EPS15L1: variants seen among roughly 807,000 people sequenced by gnomAD.
EPS15L1 encodes epidermal growth factor receptor pathway substrate 15 like 1, also known as epidermal growth factor receptor substrate 15-like 1.
In EPS15L1, 43 loss-of-function variants were observed where a neutral mutation model predicts 117.1. The observed-to-expected ratio is 0.37, with a 90% CI of 0.29 to 0.47. The LOEUF (loss-of-function observed/expected upper bound fraction) is 0.47. Ranked by LOEUF, EPS15L1 falls within the 20% of genes least tolerant of loss-of-function variation. The pLI, the probability that EPS15L1 is intolerant of heterozygous loss-of-function variation, is 0.99. For missense variants in EPS15L1, 981 were observed against 1,164.0 expected, an observed-to-expected ratio of 0.84 and a Z score of 2.29; for synonymous variants, 459 against 470.5, an observed-to-expected ratio of 0.98 and a Z score of 0.32.
intron 1 of EPS15L1, among the ~76,000 whole-genome samples, chr19:16,470,855 TGC>T (rs1320394393): frequency 1.3e-5 from 2 of 152,166 alleles, no homozygotes; most frequent in Admixed American, 1.3e-4. Flanking sequence ...GCCTCTCATA[TGC>T]TAGGCACTGT....
At chr19:16,434,571 G>C (rs903897163) in intron 6 of EPS15L1, 81 bp from the exon 7 acceptor site, 69 of 1,482,470 alleles carry the variant, frequency 4.7e-5, no homozygotes, top group Non-Finnish European at 6.0e-5. Flanking sequence ...CGAAAGCCAA[G>C]TGAAAATGGC....
intron 1 of EPS15L1, among the ~76,000 whole-genome samples, chr19:16,451,962 C>A (rs2093148249): frequency 6.6e-6 from 1 of 151,612 alleles, no homozygotes; most frequent in African/African-American, 2.4e-5. Context: ...CATGGTGAAA[C>A]CCTGTCTCTA....
At chr19:16,361,199 G>A (rs1283699732) in intron 23 of EPS15L1, among the ~76,000 whole-genome samples, 1 of 151,982 alleles carries the variant, frequency 6.6e-6, no homozygotes, top group Non-Finnish European at 1.5e-5. Flanking sequence ...CTTTCAGAGT[G>A]GCTGTTCTAG....
chr19:16,397,420 T>C lies in EPS15L1; in HGVS notation c.1792-1953A>G, dbSNP rs139574804. Among the ~76,000 whole-genome samples the C allele has an allele frequency of 1.2e-4, 18 of 151,760 alleles. 1 individual carries two copies. The highest frequency in any genetic ancestry group is 4.3e-4 in the African/African-American group (18 of 41,380). The stretch of plus-strand genomic sequence containing the variant: ...TCTATTTTACCTGAAAGTTAAACAA[T>C]TTTTTTTTAATCAATGAGTCAGAAA... On this transcript the variant is annotated intron_variant, in intron 16 of 23. Transcript: ENST00000455140.
At chr19:16,458,711 CAT>C (rs1729217602) in intron 1 of EPS15L1, among the ~76,000 whole-genome samples, 2 of 152,142 alleles carry the variant, frequency 1.3e-5, no homozygotes, top group Non-Finnish European at 2.9e-5. Flanking sequence ...GCCACACACA[CAT>C]ACACACAATC....
chr19:16,407,588 A>G (rs117385850), intron 13 of EPS15L1, among the ~76,000 whole-genome samples: 23 of 152,278 alleles, frequency 1.5e-4, no homozygotes, highest in Admixed American at 3.9e-4. Flanking sequence ...AGTCTCCCAA[A>G]GTGCTGGGAT....
intron 16 of EPS15L1, among the ~76,000 whole-genome samples, chr19:16,396,546 G>A (rs981467987): frequency 2.0e-5 from 3 of 152,146 alleles, no homozygotes; most frequent in African/African-American, 4.8e-5. Flanking sequence ...TTATAGGCAT[G>A]AGCTACCGCA....
At chr19:16,442,985 C>T (rs764399173) in intron 1 of EPS15L1, among the ~76,000 whole-genome samples, 3 of 152,198 alleles carry the variant, frequency 2.0e-5, no homozygotes, top group African/African-American at 2.4e-5. Context: ...CTCTGCCAGA[C>T]GTCTCCCAGG....
At chr19:16,393,175 G>A (rs2092499005) in intron 18 of EPS15L1, among the ~76,000 whole-genome samples, 1 of 151,674 alleles carries the variant, frequency 6.6e-6, no homozygotes, top group Admixed American at 6.6e-5. Flanking sequence ...GTGGGTGCCA[G>A]GGGTTGCGGG....
At position 16,385,271 on chromosome 19, in the gene EPS15L1, G is replaced by T. The variant is rs926009598; in HGVS notation, c.2165-60C>A. 4.9e-6 allele frequency: 7 copies of T among 1,424,914 alleles called. No individual in the cohort carries two copies. The Admixed American group carries it at 8.4e-5, about 17-fold the overall frequency. 88.3% of individuals were successfully genotyped at this position (1,424,914 alleles called of 1,614,324 possible). ...TCTTTAAGAGAACATGCCTTCTGGG[G>T]TGGAGGGGAAATGCTAGATGGCCCC... On this transcript the variant is annotated intron_variant, in intron 20 of 23. Transcript: ENST00000455140.
chr19:16,465,986 AT>A (rs1210019369), intron 1 of EPS15L1, among the ~76,000 whole-genome samples: 5,118 of 126,154 alleles, frequency 0.041, 74 homozygotes, highest in African/African-American at 0.068. Context: ...CACTTTATCT[AT>A]TTTTTTTTTT....
chr19:16,430,289 T>C (rs1431864364), intron 7 of EPS15L1, among the ~76,000 whole-genome samples: 1 of 152,038 alleles, frequency 6.6e-6, no homozygotes, highest in African/African-American at 2.4e-5. Context: ...GCTGTGGGGG[T>C]GTCTAATGGA....
intron 1 of EPS15L1, among the ~76,000 whole-genome samples, chr19:16,452,790 AT>A (rs1394384037): frequency 1.3e-5 from 2 of 151,526 alleles, no homozygotes; most frequent in East Asian, 3.9e-4. Context: ...CATCTATTTT[AT>A]TTTTTTATTT....
rs138527137 is a variant in EPS15L1, at chr19:16,456,185, A to G, written c.34-13966T>C. Among the ~76,000 whole-genome samples, 779 of 152,132 alleles carry G rather than the reference A, an allele frequency of 5.1e-3. 3 individuals are homozygous for G. Among genetic ancestry groups the G allele is most frequent in the African/African-American group, 0.017 (724 of 41,506 alleles). Reference sequence around the variant, plus strand: ...ATTGCACTCCAGCCTGGGCAACAAGAGGAAAACCCTGTCTCAAACAAACAA... The same window carrying G: ...ATTGCACTCCAGCCTGGGCAACAAGGGGAAAACCCTGTCTCAAACAAACAA... On this transcript the variant is annotated intron_variant, in intron 1 of 23. Coordinates refer to ENST00000455140, the MANE Select transcript of EPS15L1 (RefSeq NM_001258374.3).
At position 16,471,924 on chromosome 19, in the gene EPS15L1, G is replaced by T; in HGVS notation, c.22C>A (p.Leu8Ile). Reference sequence around the variant, plus strand: ...CGCCCGGCCCGTACCTGCTGGGAGAGGGGGATGAGCGGCGCCGCCATCTTC... The same window carrying T: ...CGCCCGGCCCGTACCTGCTGGGAGATGGGGATGAGCGGCGCCGCCATCTTC... MAAPLIPLSQQIPTGNSL... is the reference protein window; with the variant it reads MAAPLIPISQQIPTGNSL... Residue 8 changes from leucine to isoleucine, a missense_variant, in exon 1 of 24, where the codon CTC becomes ATC. Transcript: ENST00000455140. This position sits in a 1 kb window ranked among gnomAD's most constrained non-coding sequence, Gnocchi z 4.8. 1 of 1,298,690 alleles carries T rather than the reference G, an allele frequency of 7.7e-7. No individual in the cohort carries two copies. The allele number at this position is 1,298,690 out of a possible 1,614,324, so 80.4% of individuals were successfully genotyped here. A position where few individuals can be genotyped will look rare whatever the true frequency, so the allele number is the denominator to read the frequency against.
rs767747279 is a variant in EPS15L1 at position 16,425,063 on chromosome 19, G to A, written c.792+20C>T. ...CTACTGTGCTCTGAGAGGGGGCTGTGCCCGCTGAGGGCTCCGTACCTGTGT... is the reference window on the plus strand; with the variant it reads ...CTACTGTGCTCTGAGAGGGGGCTGTACCCGCTGAGGGCTCCGTACCTGTGT... On this transcript the variant is annotated intron_variant, in intron 9 of 23. Coordinates refer to ENST00000455140, the MANE Select transcript of EPS15L1 (RefSeq NM_001258374.3). 3.8e-6 allele frequency: 6 copies of A among 1,592,844 alleles called. No individual in the cohort carries two copies. Among genetic ancestry groups the A allele is most frequent in the South Asian group, 1.1e-5 (1 of 90,624 alleles).
chr19:16,419,501 G>A (rs2092793867), intron 10 of EPS15L1, among the ~76,000 whole-genome samples: 2 of 151,912 alleles, frequency 1.3e-5, no homozygotes, highest in African/African-American at 4.8e-5. Flanking sequence ...GGAAGGGAAG[G>A]GACCCTTGTG....
Position 16,394,047 on chromosome 19 carries a change from A to T in EPS15L1, c.1916-46T>A, listed in dbSNP as rs567573526. ...ATGCTTATTAGCTCTAGGGCACAGG[A>T]TGCGGGCCGGGCCCTTGGACACAGC... On this transcript the variant is annotated intron_variant, in intron 17 of 23. Coordinates refer to ENST00000455140, the MANE Select transcript of EPS15L1 (RefSeq NM_001258374.3). 1.9e-6 allele frequency: 3 copies of T among 1,590,924 alleles called. No individual in the cohort carries two copies. In the East Asian group the frequency reaches 6.7e-5, roughly 36 times the overall value.
At chr19:16,377,643 G>A (rs1468400155) in intron 21 of EPS15L1, among the ~76,000 whole-genome samples, 1 of 152,216 alleles carries the variant, frequency 6.6e-6, no homozygotes, top group Non-Finnish European at 1.5e-5. Context: ...TCACCTGTAT[G>A]CTGGCTGTGG....
Sources: gnomAD v4.1 joint callset for allele counts (sites outside exome capture counted in the v4.1 genomes callset) on GRCh38, gnomAD v4.1.1 for gene constraint, Gnocchi (gnomAD v3.1) non-coding constraint, MANE v1.5 for transcripts, NCBI Gene and HGNC (gene_info 2026-07-23, HGNC 2026-07-21) for gene names.